Variants in STON1 observed in about 807,000 individuals in gnomAD.
STON1 encodes the protein stonin 1, also known as stonin-1.
Under a neutral mutation model 60.9 loss-of-function variants are expected in STON1, and 79 were observed. That is an observed-to-expected ratio of 1.30 (90% CI 1.08 to 1.56). The LOEUF is 1.56. Ranked by LOEUF, STON1 falls within the 40% of genes most tolerant of loss-of-function variation. The pLI is 0.00. For missense variants in STON1, 1,166 were observed against 858.9 expected, an observed-to-expected ratio of 1.36 and a Z score of -4.47; for synonymous variants, 363 against 306.9, an observed-to-expected ratio of 1.18 and a Z score of -1.91.
chr2:48,578,898 T>C, intron 1 of STON1, among the ~76,000 whole-genome samples: 1 of 151,968 alleles, frequency 6.6e-6, no homozygotes, highest in East Asian at 1.9e-4. Context: ...GCCTTAATTC[T>C]TCCTCCAGTG....
intron 1 of STON1, among the ~76,000 whole-genome samples, chr2:48,558,635 A>C (rs1315520865): frequency 6.6e-6 from 1 of 152,254 alleles, no homozygotes; most frequent in East Asian, 1.9e-4. Flanking sequence ...ATTCTTTTAC[A>C]CTGGCGTTAA....
chr2:48,542,635 T>C (rs1176169574), intron 1 of STON1, among the ~76,000 whole-genome samples: 1 of 152,208 alleles, frequency 6.6e-6, no homozygotes, highest in Non-Finnish European at 1.5e-5. Context: ...CTAGGCATGG[T>C]GGCTCAAGCC....
Position 48,582,152 on chromosome 2 carries a change from C to T in STON1, c.1519C>T (p.Leu507=), listed in dbSNP as rs769045948. Residue 507 remains leucine, a synonymous_variant, in exon 2 of 4, where the codon CTG becomes TTG. Transcript: ENST00000404752. The stretch of plus-strand genomic sequence containing the variant: ...ATCAAGAATCATTAAGTTTGTACCT[C>T]TGGATGCCTGCCGGTTTGAGCTGAT... ...EQSRIIKFVP[L]DACRFELMRF... 1.2e-6 allele frequency: 2 copies of T among 1,614,226 alleles called. No individual in the cohort carries two copies. Among genetic ancestry groups the T allele is most frequent in the Non-Finnish European group, 1.7e-6 (2 of 1,180,048 alleles).
chr2:48,563,497 C>A (rs1246192073), intron 1 of STON1, among the ~76,000 whole-genome samples: 1 of 152,110 alleles, frequency 6.6e-6, no homozygotes, highest in Non-Finnish European at 1.5e-5. Context: ...CCTGCTAAGT[C>A]AAAGAAGCTG....
intron 2 of STON1, among the ~76,000 whole-genome samples, chr2:48,591,451 AG>A (rs1410989468): frequency 6.6e-6 from 1 of 152,066 alleles, no homozygotes; most frequent in South Asian, 2.1e-4. Flanking sequence ...TTTTAAAGCT[AG>A]TACTTAAAAA....
At position 48,596,243 on chromosome 2, in the gene STON1, A is replaced by T. The variant is rs145728058; in HGVS notation, c.*941A>T. 3 of 152,306 alleles carry T rather than the reference A, an allele frequency of 2.0e-5. No homozygotes were observed. The highest frequency in any genetic ancestry group is 3.9e-4 in the East Asian group (2 of 5,190). 9.4% of individuals were successfully genotyped at this position (152,306 alleles called of 1,614,324 possible). A position where few individuals can be genotyped will look rare whatever the true frequency, so the allele number is the denominator to read the frequency against. On this transcript the variant is annotated 3_prime_UTR_variant, in exon 4 of 4. Coordinates refer to ENST00000404752, the MANE Select transcript of STON1 (RefSeq NM_006873.4). ...ACTAGTTCTGCTATCATGCTGTTTT[A>T]TGCTAATTCTGCTTATTTTAGAGTA...
chr2:48,578,031 A>G (rs1216382334), intron 1 of STON1, among the ~76,000 whole-genome samples: 1 of 152,190 alleles, frequency 6.6e-6, no homozygotes, highest in African/African-American at 2.4e-5. Flanking sequence ...CCCAGGCTGA[A>G]GTGCAGTGAC....
rs187031210 is a variant in STON1, at chr2:48,541,901, A to G, written c.-48+11685A>G. On this transcript the variant is annotated intron_variant, in intron 1 of 3. Coordinates refer to ENST00000404752, the MANE Select transcript of STON1 (RefSeq NM_006873.4). ...GCGGTGTCTCACTCTCATCTGGCCA[A>G]TGTTTTCAGTCCAGAAAAGATCTGA... 3.0e-4 allele frequency among the ~76,000 whole-genome samples: 46 copies of G among 152,228 alleles called. 1 individual carries two copies. The Middle Eastern group carries it at 0.01, about 34-fold the overall frequency.
chr2:48,558,171 C>G (rs1331909207), intron 1 of STON1, among the ~76,000 whole-genome samples: 1 of 152,242 alleles, frequency 6.6e-6, no homozygotes, highest in African/African-American at 2.4e-5. Flanking sequence ...GGCAGTGAGC[C>G]AAGATCGCAC....
intron 3 of STON1, among the ~76,000 whole-genome samples, chr2:48,593,217 G>GC (rs761214753): frequency 0.064 from 9,744 of 152,180 alleles, 464 homozygotes; most frequent in Non-Finnish European, 0.095. Flanking sequence ...CTAGGTTCAA[G>GC]TAATTCTCCT....
At chr2:48,547,513 G>GT (rs1322452810) in intron 1 of STON1, among the ~76,000 whole-genome samples, 1 of 152,248 alleles carries the variant, frequency 6.6e-6, no homozygotes. Flanking sequence ...GGGGATAGCA[G>GT]TCAGTGTCCC....
Position 48,580,893 on chromosome 2 carries a change from A to G in STON1, c.260A>G (p.Asp87Gly). Residue 87 changes from aspartate (D) to glycine (G), a missense_variant, in exon 2 of 4, where the codon GAC (aspartate) becomes GGC (glycine). Transcript: ENST00000404752. ...SNSPLSTPTK[D>G]FPGFPGIPKA... ...TCTCCTCTTTCTACACCTACCAAAG[A>G]CTTCCCAGGTTTTCCTGGCATCCCC... is the stretch of plus-strand genomic sequence containing the variant. 6.3e-7 allele frequency: 1 copy of G among 1,591,598 alleles called. No individual in the cohort carries two copies. The highest frequency in any genetic ancestry group is 8.5e-7 in the Non-Finnish European group (1 of 1,171,032).
At chr2:48,534,868 G>A (rs531840842) in intron 1 of STON1, among the ~76,000 whole-genome samples, 4 of 152,230 alleles carry the variant, frequency 2.6e-5, no homozygotes, top group African/African-American at 4.8e-5. Flanking sequence ...TTCCAGCTCC[G>A]CCAGTCACTT....
At chr2:48,558,982 T>G (rs759299312) in intron 1 of STON1, among the ~76,000 whole-genome samples, 1 of 152,194 alleles carries the variant, frequency 6.6e-6, no homozygotes, top group Non-Finnish European at 1.5e-5. Flanking sequence ...GACCTGAGGC[T>G]GAAAGGAAAT....
chr2:48,576,498 CTT>C (rs35460615), intron 1 of STON1, among the ~76,000 whole-genome samples: 17,562 of 143,836 alleles, frequency 0.12, 1,377 homozygotes, highest in Middle Eastern at 0.24. Context: ...CCATATTATC[CTT>C]TTTTTTTTTT....
rs776109002 is a variant in STON1, at chr2:48,582,055, C to G, written c.1422C>G (p.Asp474Glu). 1 of 1,613,786 alleles carries G rather than the reference C, an allele frequency of 6.2e-7. No homozygotes were observed. The highest frequency in any genetic ancestry group is 8.5e-7 in the Non-Finnish European group (1 of 1,179,912). The change falls in exon 2 of 4, where the codon GAC becomes GAG. Residue 474 changes from aspartate (D) to glutamate (E), a missense_variant. Coordinates refer to ENST00000404752, the MANE Select transcript of STON1 (RefSeq NM_006873.4). ...GAGATGAATCCTATTATGAGAAGGA[C>G]TCAGAAAAAAAGGGGATTGATATTC... is the stretch of plus-strand genomic sequence containing the variant. ...PKRDESYYEK[D>E]SEKKGIDILD... is the part of the protein sequence containing the mutation.
intron 1 of STON1, among the ~76,000 whole-genome samples, chr2:48,541,521 T>TAAAAAAA (rs1276920612): frequency 1.1e-5 from 1 of 92,382 alleles, no homozygotes. Flanking sequence ...CCATCTCTAC[T>TAAAAAAA]AAAAAAAAAA....
At position 48,597,405 on chromosome 2, in the gene STON1, C is replaced by T. The variant is rs1674828936; in HGVS notation, c.*2103C>T. 6.6e-6 allele frequency: 1 copy of T among 152,228 alleles called. No individual in the cohort carries two copies. Among genetic ancestry groups the T allele is most frequent in the Non-Finnish European group, 1.5e-5 (1 of 68,064 alleles). The allele number at this position is 152,228 out of a possible 1,614,324, so 9.4% of individuals were successfully genotyped here. On this transcript the variant is annotated 3_prime_UTR_variant, in exon 4 of 4. Transcript: ENST00000404752. ...GTGGGTTAATTACTGCCATTCCTTT[C>T]TAAGTGTGTTTTATGGCATCCTGCC... is the stretch of plus-strand genomic sequence containing the variant.
At chr2:48,583,951 A>G (rs769756728) in intron 2 of STON1, among the ~76,000 whole-genome samples, 27 of 151,696 alleles carry the variant, frequency 1.8e-4, no homozygotes, top group African/African-American at 6.3e-4. Context: ...GGGTTTCACC[A>G]TATTGGCCAG....
Sources: allele counts gnomAD v4.1 joint callset (sites outside exome capture counted in the v4.1 genomes callset), GRCh38; gene constraint gnomAD v4.1.1; transcripts MANE v1.5; gene names NCBI Gene and HGNC (gene_info 2026-07-23, HGNC 2026-07-21).